FGF12: variants seen among roughly 807,000 people sequenced by gnomAD.
FGF12 encodes the protein fibroblast growth factor 12B.
FGF12 carries 14 observed loss-of-function variants against 23.6 expected under a neutral mutation model. The ratio of observed to expected loss-of-function variants is 0.59; its 90% CI spans 0.39 to 0.93. The LOEUF (loss-of-function observed/expected upper bound fraction) is 0.93. FGF12 is among the 40% of genes least tolerant of loss of function. The pLI, the probability that FGF12 is intolerant of heterozygous loss-of-function variation, is 0.00. For missense variants in FGF12, 175 were observed against 217.8 expected, an observed-to-expected ratio of 0.80 and a Z score of 1.24; for synonymous variants, 62 against 77.3, an observed-to-expected ratio of 0.80 and a Z score of 1.04.
intron 2 of FGF12, among the ~76,000 whole-genome samples, chr3:192,418,913 C>G (rs1721437378): frequency 6.6e-6 from 1 of 152,194 alleles, no homozygotes; most frequent in African/African-American, 2.4e-5. Flanking sequence ...AAGGCAAGAA[C>G]AGACTAATAT....
chr3:192,201,103 A>G (rs1717345730), intron 4 of FGF12, among the ~76,000 whole-genome samples: 1 of 152,202 alleles, frequency 6.6e-6, no homozygotes, highest in South Asian at 2.1e-4. Flanking sequence ...ATATCTCTTT[A>G]CTAAGTTAGC....
At position 192,408,710 on chromosome 3, in the gene FGF12, A is replaced by C. The variant is rs1721072114; in HGVS notation, c.14-48172T>G. ...CATAGAAAACCCGTTTACAAAGCAGAGTCTGGACCCAGGCGGGTAGCGCGC... is the reference window on the plus strand; with the variant it reads ...CATAGAAAACCCGTTTACAAAGCAGCGTCTGGACCCAGGCGGGTAGCGCGC... On this transcript the variant is annotated intron_variant, in intron 2 of 5. Coordinates refer to ENST00000445105, the MANE Select transcript of FGF12 (RefSeq NM_004113.6). This position sits in a 1 kb window ranked among gnomAD's most constrained non-coding sequence, Gnocchi z 7.3. 1.0e-6 allele frequency: 1 copy of C among 987,722 alleles called. No homozygotes were observed. The allele number at this position is 987,722 out of a possible 1,614,324, so 61.2% of individuals were successfully genotyped here.
At chr3:192,650,422 CT>C (rs1038697144) in intron 2 of FGF12, among the ~76,000 whole-genome samples, 3 of 152,204 alleles carry the variant, frequency 2.0e-5, no homozygotes, top group African/African-American at 7.2e-5. Flanking sequence ...CTAGTTTCCA[CT>C]TTTGATAAAC....
chr3:192,671,790 C>G (rs1016358336), intron 2 of FGF12, among the ~76,000 whole-genome samples: 1 of 151,896 alleles, frequency 6.6e-6, no homozygotes, highest in East Asian at 1.9e-4. Flanking sequence ...CACACACACA[C>G]ACACACACAC....
chr3:192,456,151 C>T (rs562580061), intron 2 of FGF12, among the ~76,000 whole-genome samples: 72 of 152,196 alleles, frequency 4.7e-4, no homozygotes, highest in Non-Finnish European at 9.7e-4. Flanking sequence ...TACATTTTCA[C>T]AATTTATGAA....
intron 3 of FGF12, among the ~76,000 whole-genome samples, chr3:192,341,175 GAAC>G (rs1417843374): frequency 6.6e-6 from 1 of 151,984 alleles, no homozygotes; most frequent in Non-Finnish European, 1.5e-5. Flanking sequence ...CATTTCTCAA[GAAC>G]AACAAACAAA....
chr3:192,271,003 C>T (rs1217733727), intron 4 of FGF12, among the ~76,000 whole-genome samples: 1 of 152,116 alleles, frequency 6.6e-6, no homozygotes, highest in Non-Finnish European at 1.5e-5. Context: ...TGGCAGGCAG[C>T]CTCATTCCCT....
At chr3:192,486,220 T>C (rs781533229) in intron 2 of FGF12, among the ~76,000 whole-genome samples, 8 of 152,150 alleles carry the variant, frequency 5.3e-5, no homozygotes, top group South Asian at 2.1e-4. Context: ...TGGAGTTATA[T>C]ATCAATGAGC....
At chr3:192,448,242 C>A (rs559442984) in intron 2 of FGF12, among the ~76,000 whole-genome samples, 1 of 152,250 alleles carries the variant, frequency 6.6e-6, no homozygotes, top group Non-Finnish European at 1.5e-5. Flanking sequence ...CATAAAACAC[C>A]TCTTAATGAA....
intron 5 of FGF12, among the ~76,000 whole-genome samples, chr3:192,166,514 C>T (rs994708211): frequency 2.0e-5 from 3 of 152,212 alleles, no homozygotes; most frequent in African/African-American, 7.2e-5. Context: ...GGTTTAAGAA[C>T]TTGATTGTTC....
chr3:192,480,532 C>G (rs1355172569), intron 2 of FGF12, among the ~76,000 whole-genome samples: 2 of 152,150 alleles, frequency 1.3e-5, no homozygotes, highest in African/African-American at 4.8e-5. Flanking sequence ...GAATCTGAGA[C>G]AAATGATGCT....
chr3:192,173,635 A>AT (rs199830196), intron 4 of FGF12, among the ~76,000 whole-genome samples: 6,591 of 151,600 alleles, frequency 0.043, 187 homozygotes, highest in Admixed American at 0.059. Flanking sequence ...GCTTTTTATT[A>AT]TTTTTTTTTC....
At chr3:192,335,203 TC>T (rs1717334145) in intron 4 of FGF12, among the ~76,000 whole-genome samples, 157 bp downstream of exon 4, 1 of 152,084 alleles carries the variant, frequency 6.6e-6, no homozygotes, top group South Asian at 2.1e-4. Flanking sequence ...TCCTTAACAC[TC>T]TAAATTACAA....
chr3:192,296,415 G>A (rs1320821632), intron 4 of FGF12, among the ~76,000 whole-genome samples: 1 of 151,784 alleles, frequency 6.6e-6, no homozygotes, highest in Non-Finnish European at 1.5e-5. Flanking sequence ...GTAGAGTCAA[G>A]GTTTTGCCAT....
chr3:192,140,010 A>C lies in FGF12; in HGVS notation c.*3999T>G, dbSNP rs1415830490. The C allele has an allele frequency of 5.3e-5, 8 of 152,082 alleles. No individual in the cohort carries two copies. Among genetic ancestry groups the C allele is most frequent in the African/African-American group, 1.9e-4 (8 of 41,442 alleles). The allele number at this position is 152,082 out of a possible 1,614,324, so 9.4% of individuals were successfully genotyped here. On this transcript the variant is annotated 3_prime_UTR_variant, in exon 6 of 6. Coordinates refer to ENST00000445105, the MANE Select transcript of FGF12 (RefSeq NM_004113.6). ...GGATTAAAAATCACCAAAGTACTGA[A>C]GGAACACGTGCTTTGATTATTATTC...
Position 192,386,538 on chromosome 3 carries a change from G to T in FGF12, c.14-26000C>A, listed in dbSNP as rs13095146. Among the ~76,000 whole-genome samples the T allele has an allele frequency of 2.7e-3, 416 of 152,160 alleles. 2 individuals carry two copies. Among genetic ancestry groups the T allele is most frequent in the Non-Finnish European group, 4.7e-3 (322 of 68,006 alleles). On this transcript the variant is annotated intron_variant, in intron 2 of 5. Transcript: ENST00000445105. Reference sequence around the variant, plus strand: ...ATTACTTTTCTCACTTTAAAAAAAAGTATTATAATTTAAAGTTCTGTCTCC... The same window carrying T: ...ATTACTTTTCTCACTTTAAAAAAAATTATTATAATTTAAAGTTCTGTCTCC...
intron 4 of FGF12, among the ~76,000 whole-genome samples, chr3:192,247,036 G>GGAAGGAAA (rs1229074338): frequency 0.32 from 2,090 of 6,524 alleles, 24 homozygotes; most frequent in Admixed American, 0.38. Context: ...AAGGAAAGAA[G>GGAAGGAAA]GAAGGAAGGA....
At chr3:192,354,734 C>T (rs957938380) in intron 3 of FGF12, among the ~76,000 whole-genome samples, 1 of 152,196 alleles carries the variant, frequency 6.6e-6, no homozygotes, top group Non-Finnish European at 1.5e-5. Context: ...GAGACAGAGT[C>T]TCGCTGTGTC....
intron 4 of FGF12, among the ~76,000 whole-genome samples, chr3:192,190,555 A>G (rs1394864500): frequency 7.3e-6 from 1 of 137,874 alleles, no homozygotes; most frequent in Non-Finnish European, 1.5e-5. Context: ...GGCTCACTGC[A>G]AACTCCGCCT....
Sources: allele counts gnomAD v4.1 joint callset (sites outside exome capture counted in the v4.1 genomes callset), GRCh38; gene constraint gnomAD v4.1.1; non-coding constraint Gnocchi (gnomAD v3.1); transcripts MANE v1.5; gene names NCBI Gene and HGNC (gene_info 2026-07-23, HGNC 2026-07-21).